CSMD1: variants seen among roughly 807,000 people sequenced by gnomAD.
CSMD1 encodes the protein CUB and sushi domain-containing protein 1.
A neutral mutation model predicts 417.5 loss-of-function variants in CSMD1; 213 were observed. The ratio of observed to expected loss-of-function variants is 0.51; its 90% CI spans 0.46 to 0.57. CSMD1 has a LOEUF of 0.57. Among genes scored for constraint, CSMD1 ranks in the 20% least tolerant of loss-of-function variants. CSMD1 has a pLI of 0.00. For missense variants in CSMD1, 6,923 were observed against 4,529.7 expected (o/e 1.53, Z -15.17); for synonymous variants, 2,862 against 1,736.8 (o/e 1.65, Z -16.11).
At chr8:4,409,537 TCA>T (rs1404657538) in intron 3 of CSMD1, among the ~76,000 whole-genome samples, 2 of 152,164 alleles carry the variant, frequency 1.3e-5, no homozygotes, top group Non-Finnish European at 1.5e-5. Context: ...ACTAGGCAGC[TCA>T]TTGTTAATTC....
intron 8 of CSMD1, among the ~76,000 whole-genome samples, chr8:3,590,717 A>C (rs933671336): frequency 4.6e-5 from 7 of 152,170 alleles, no homozygotes; most frequent in African/African-American, 1.4e-4. Flanking sequence ...GCAGCTGGCA[A>C]ACAGAGCCAA....
chr8:4,694,054 C>T (rs1227801145), intron 1 of CSMD1, among the ~76,000 whole-genome samples: 1 of 152,204 alleles, frequency 6.6e-6, no homozygotes, highest in East Asian at 1.9e-4. Flanking sequence ...CTGCTTAGGG[C>T]AAACCTGCCT....
intron 50 of CSMD1, among the ~76,000 whole-genome samples, chr8:3,038,824 C>T (rs11783760): frequency 1.3e-5 from 2 of 152,038 alleles, no homozygotes; most frequent in African/African-American, 4.8e-5. Context: ...GACCTTAAAC[C>T]TTAATGCTAT....
chr8:3,448,161 T>C lies in CSMD1; in HGVS notation c.1561+20551A>G, dbSNP rs117225095. On this transcript the variant is annotated intron_variant, in intron 12 of 69. Transcript: ENST00000635120. ...AGTGAGGGATACAGGGAGCCTGAAT[T>C]GGGGGAGTAGATAGTGAAGACAGAA... Among the ~76,000 whole-genome samples, 448 of 150,548 alleles carry C rather than the reference T, an allele frequency of 3.0e-3. 2 individuals carry two copies. Among genetic ancestry groups the C allele is most frequent in the Non-Finnish European group, 5.0e-3 (338 of 67,656 alleles).
intron 68 of CSMD1, among the ~76,000 whole-genome samples, chr8:2,945,371 G>C (rs1157449177): frequency 6.6e-6 from 1 of 152,074 alleles, no homozygotes; most frequent in Non-Finnish European, 1.5e-5. Context: ...ATTTTTTAAG[G>C]TGTGTAGTAT....
At chr8:4,261,154 T>A (rs920561000) in intron 3 of CSMD1, among the ~76,000 whole-genome samples, 1 of 152,312 alleles carries the variant, frequency 6.6e-6, no homozygotes, top group East Asian at 1.9e-4. Context: ...TTCTACTGGC[T>A]TGAAAGTTGT....
chr8:4,191,355 C>A (rs1378092806), intron 3 of CSMD1, among the ~76,000 whole-genome samples: 4 of 152,036 alleles, frequency 2.6e-5, no homozygotes, highest in Admixed American at 2.6e-4. Context: ...GAGATCGCGC[C>A]ACTGCACTCC....
At chr8:2,976,090 G>A (rs981013276) in intron 55 of CSMD1, among the ~76,000 whole-genome samples, 1 of 152,052 alleles carries the variant, frequency 6.6e-6, no homozygotes. Flanking sequence ...TGCATTTTTT[G>A]TTAAATAAGG....
At chr8:3,215,156 T>C (rs1316148734) in intron 29 of CSMD1, among the ~76,000 whole-genome samples, 1 of 152,190 alleles carries the variant, frequency 6.6e-6, no homozygotes, top group African/African-American at 2.4e-5. Flanking sequence ...AATGAAACAG[T>C]TTAATTCCTG....
intron 3 of CSMD1, among the ~76,000 whole-genome samples, chr8:4,277,000 T>A (rs1466107624): frequency 6.6e-6 from 1 of 152,102 alleles, no homozygotes. Flanking sequence ...AAACTCCAGG[T>A]TAAGTTTAAA....
chr8:3,239,171 AG>A (rs1799338165), intron 26 of CSMD1, among the ~76,000 whole-genome samples: 1 of 152,202 alleles, frequency 6.6e-6, no homozygotes, highest in Non-Finnish European at 1.5e-5. Context: ...AGGTTTTAAA[AG>A]ACCATTAGTC....
At chr8:4,514,461 A>G (rs1053392255) in intron 2 of CSMD1, among the ~76,000 whole-genome samples, 5 of 152,196 alleles carry the variant, frequency 3.3e-5, no homozygotes, top group Non-Finnish European at 7.3e-5. Flanking sequence ...ATTTTTAAGT[A>G]GCATCCTGAT....
intron 2 of CSMD1, among the ~76,000 whole-genome samples, chr8:4,622,517 T>C (rs1713808404): frequency 6.6e-6 from 1 of 152,174 alleles, no homozygotes. Context: ...CTCTTCCTCC[T>C]GCTGTGTCCA....
chr8:3,535,116 T>TA (rs61479101), intron 10 of CSMD1, among the ~76,000 whole-genome samples: 11 of 95,126 alleles, frequency 1.2e-4, no homozygotes, highest in African/African-American at 8.2e-4. Flanking sequence ...TCAGCTAATA[T>TA]TTTTTTTTTT....
intron 1 of CSMD1, among the ~76,000 whole-genome samples, chr8:4,660,774 G>C (rs969643445): frequency 1.3e-5 from 2 of 151,944 alleles, no homozygotes; most frequent in Non-Finnish European, 2.9e-5. Context: ...TCAAAACTCA[G>C]CCATAAAGCC....
rs543708749 is a variant in CSMD1 at position 4,518,638 on chromosome 8, A to G, written c.303-98573T>C. Among the ~76,000 whole-genome samples, 56 of 143,730 alleles carry G rather than the reference A, an allele frequency of 3.9e-4. No individual in the cohort carries two copies. In the South Asian group the frequency reaches 8.1e-3, roughly 21 times the overall value. The allele number at this position is 143,730 out of a possible 152,430, so 94.3% of individuals were successfully genotyped here. A position where few individuals can be genotyped will look rare whatever the true frequency, so the allele number is the denominator to read the frequency against. On this transcript the variant is annotated intron_variant, in intron 2 of 69. Transcript: ENST00000635120. Reference sequence around the variant, plus strand: ...CTGTGGGGTGGGGGGCGGGGGGAGGAATCGCATTAGGAGATATACCTAATG... The same window carrying G: ...CTGTGGGGTGGGGGGCGGGGGGAGGGATCGCATTAGGAGATATACCTAATG...
At chr8:4,540,445 G>C (rs1585224150) in intron 2 of CSMD1, among the ~76,000 whole-genome samples, 1 of 152,164 alleles carries the variant, frequency 6.6e-6, no homozygotes, top group East Asian at 1.9e-4. Context: ...GCTCATGCCT[G>C]TAATTCCAGG....
At chr8:4,187,671 C>G (rs553337044) in intron 3 of CSMD1, among the ~76,000 whole-genome samples, 5 of 38,568 alleles carry the variant, frequency 1.3e-4, no homozygotes, top group Non-Finnish European at 1.9e-4. Context: ...AGTGAAACTC[C>G]GTCTCAAAAA....
chr8:4,044,712 GCA>G (rs373243448), intron 3 of CSMD1, among the ~76,000 whole-genome samples: 5 of 28,174 alleles, frequency 1.8e-4, no homozygotes, highest in Non-Finnish European at 4.7e-4. Context: ...AACCCTGGAT[GCA>G]TAGCACCCTG....
Sources: gnomAD v4.1 joint callset for allele counts (sites outside exome capture counted in the v4.1 genomes callset) on GRCh38, gnomAD v4.1.1 for gene constraint, MANE v1.5 for transcripts, NCBI Gene and HGNC (gene_info 2026-07-23, HGNC 2026-07-21) for gene names.